MAP3K5: variants seen among roughly 807,000 people sequenced by gnomAD.
MAP3K5 encodes the protein ASK-1.
In MAP3K5, 56 loss-of-function variants were observed where a neutral mutation model predicts 158.7. The ratio of observed to expected loss-of-function variants is 0.35; its 90% confidence interval spans 0.28 to 0.44. The LOEUF (loss-of-function observed/expected upper bound fraction) is 0.44. Among genes scored for constraint, MAP3K5 ranks in the 20% least tolerant of loss-of-function variants. The probability of loss-of-function intolerance (pLI) is 1.00; values close to 1 mark genes in which losing one functional copy is unlikely to be tolerated. For synonymous variants in MAP3K5, 579 were observed against 601.7 expected, an observed-to-expected ratio of 0.96 and a Z score of 0.55; for missense variants, 1,294 against 1,674.8, an observed-to-expected ratio of 0.77 and a Z score of 3.97.
At chr6:136,759,697 T>G (rs1171456289) in intron 1 of MAP3K5, among the ~76,000 whole-genome samples, 1 of 150,460 alleles carries the variant, frequency 6.6e-6, no homozygotes, top group Non-Finnish European at 1.5e-5. Flanking sequence ...CATCCCAAAC[T>G]CCTGGGCTCA....
intron 1 of MAP3K5, among the ~76,000 whole-genome samples, chr6:136,776,235 T>TTTTATTTTTTATTTATTTA (rs1446328511): frequency 3.3e-5 from 5 of 152,164 alleles, no homozygotes; most frequent in Non-Finnish European, 7.4e-5. Context: ...TGGGGTTGTC[T>TTTTATTTTTTATTTATTTA]TTTATTTTTT....
intron 14 of MAP3K5, among the ~76,000 whole-genome samples, chr6:136,626,699 C>A (rs1287726045): frequency 6.6e-6 from 1 of 152,220 alleles, no homozygotes; most frequent in East Asian, 1.9e-4. Context: ...TGCCGATGTG[C>A]CCTCTCAAAG....
intron 7 of MAP3K5, among the ~76,000 whole-genome samples, chr6:136,676,491 C>T (rs1217458689): frequency 9.2e-5 from 14 of 152,084 alleles, no homozygotes; most frequent in Admixed American, 8.5e-4. Context: ...CTGGAGTTCA[C>T]GACTTCAATA....
chr6:136,691,057 G>T (rs1583424455), intron 7 of MAP3K5, among the ~76,000 whole-genome samples: 1 of 152,026 alleles, frequency 6.6e-6, no homozygotes, highest in South Asian at 2.1e-4. Flanking sequence ...TCTTTCCCCT[G>T]ATGTATCTTC....
Position 136,628,153 on chromosome 6 carries a change from C to T in MAP3K5, c.2017-5172G>A, listed in dbSNP as rs561700391. ...TTTAAAGAGTGTTTTGCTCTGTCGC[C>T]TAGGCCGGAGTGCAGTGGTGCCATC... On this transcript the variant is annotated intron_variant, in intron 14 of 29. Coordinates refer to ENST00000359015, the MANE Select transcript of MAP3K5 (RefSeq NM_005923.4). 9.3e-4 allele frequency among the ~76,000 whole-genome samples: 141 copies of T among 151,642 alleles called. 1 individual carries two copies. Among genetic ancestry groups the T allele is most frequent in the East Asian group, 1.9e-4 (1 of 5,158 alleles).
At chr6:136,749,372 CAAA>C (rs568913197) in intron 1 of MAP3K5, among the ~76,000 whole-genome samples, 13 of 87,468 alleles carry the variant, frequency 1.5e-4, no homozygotes, top group Admixed American at 3.8e-4. Context: ...AACTCTGTAT[CAAA>C]AAAAAAAAAA....
At chr6:136,608,531 G>A (rs1776198695) in intron 18 of MAP3K5, among the ~76,000 whole-genome samples, 1 of 152,130 alleles carries the variant, frequency 6.6e-6, no homozygotes, top group South Asian at 2.1e-4. Flanking sequence ...GAAGTGCCCT[G>A]GATAACAATG....
chr6:136,769,811 GGGGAC>G (rs1784120968), intron 1 of MAP3K5, among the ~76,000 whole-genome samples: 1 of 35,708 alleles, frequency 2.8e-5, no homozygotes, highest in Non-Finnish European at 5.9e-5. Flanking sequence ...GAGGGAGGGA[GGGGAC>G]GGGAGGGAGG....
At chr6:136,612,211 G>A (rs1188522861) in intron 17 of MAP3K5, among the ~76,000 whole-genome samples, 1 of 152,058 alleles carries the variant, frequency 6.6e-6, no homozygotes, top group East Asian at 1.9e-4. Flanking sequence ...ATTTTGTTTG[G>A]CCATCTCTAT....
chr6:136,622,191 ACTCAT>A (rs1231287279), intron 15 of MAP3K5, among the ~76,000 whole-genome samples: 3 of 152,046 alleles, frequency 2.0e-5, no homozygotes, highest in Admixed American at 2.0e-4. Flanking sequence ...AAGCTCCAAA[ACTCAT>A]GAAAGTGTGA....
chr6:136,564,438 C>T (rs1773997158), intron 26 of MAP3K5, among the ~76,000 whole-genome samples: 1 of 152,106 alleles, frequency 6.6e-6, no homozygotes, highest in Non-Finnish European at 1.5e-5. Context: ...GAACTGAAAG[C>T]TAGAAGAGGG....
intron 8 of MAP3K5, among the ~76,000 whole-genome samples, chr6:136,662,081 C>T (rs1362583066): frequency 2.6e-5 from 4 of 152,186 alleles, no homozygotes; most frequent in African/African-American, 4.8e-5. Context: ...CATTCTTGTA[C>T]ACACAGCTTT....
In MAP3K5 at chr6:136,694,156, C is replaced by T. The variant is rs1780503480; in HGVS notation, c.1237G>A (p.Asp413Asn). The part of the protein sequence containing the change: ...DSNFTDTESR[D>N]HGASWFKKAF... ...TTTACTTACCAAGAAGCTCCATGGT[C>T]TCTGCTTTCAGTGTCCGTGAAATTA... The change falls in exon 7 of 30, where the codon GAC becomes AAC. Residue 413 changes from aspartate (D) to asparagine (N), a missense_variant. This residue lies in a region of MAP3K5 where 690 missense variants were observed against 870.5 expected (regional missense o/e 0.79). Transcript: ENST00000359015. The T allele has an allele frequency of 6.2e-7, 1 of 1,612,742 alleles. No homozygotes were observed. Among genetic ancestry groups the T allele is most frequent in the Non-Finnish European group, 8.5e-7 (1 of 1,179,602 alleles).
At chr6:136,777,038 T>C (rs1018670203) in intron 1 of MAP3K5, among the ~76,000 whole-genome samples, 1 of 152,358 alleles carries the variant, frequency 6.6e-6, no homozygotes, top group East Asian at 1.9e-4. Flanking sequence ...TCCAATTTTA[T>C]TTCAGATTTA....
chr6:136,658,709 C>G (rs1336892764), intron 9 of MAP3K5, among the ~76,000 whole-genome samples: 1 of 151,872 alleles, frequency 6.6e-6, no homozygotes, highest in East Asian at 1.9e-4. Flanking sequence ...TGGGTGCACT[C>G]CAAGAACAAT....
At chr6:136,583,044 T>A (rs998384613) in intron 24 of MAP3K5, among the ~76,000 whole-genome samples, 2 of 152,254 alleles carry the variant, frequency 1.3e-5, no homozygotes, top group Admixed American at 6.5e-5. Flanking sequence ...GAAAGTATAC[T>A]TCTGGCTAGA....
chr6:136,792,572 CTCCTT>C (rs1258044948), upstream of MAP3K5: 1 of 172,370 alleles, frequency 5.8e-6, no homozygotes, highest in East Asian at 1.9e-4. The surrounding 1 kb of genome is among the most constrained non-coding windows in gnomAD (Gnocchi z 5.7). Flanking sequence ...CGCCGCGCAG[CTCCTT>C]CCGTCCCGGC....
chr6:136,678,597 T>G (rs964366944), intron 7 of MAP3K5, among the ~76,000 whole-genome samples: 1 of 152,148 alleles, frequency 6.6e-6, no homozygotes, highest in Admixed American at 6.6e-5. Context: ...AAATAAATCT[T>G]AGAGAACTAT....
intron 14 of MAP3K5, among the ~76,000 whole-genome samples, chr6:136,626,723 T>C (rs1246128745): frequency 6.6e-6 from 1 of 151,964 alleles, no homozygotes; most frequent in Non-Finnish European, 1.5e-5. Flanking sequence ...TAGAAACCTA[T>C]ACACTCCATC....
Sources: gnomAD v4.1 joint callset for allele counts (sites outside exome capture counted in the v4.1 genomes callset) on GRCh38, gnomAD v4.1.1 for gene constraint, gnomAD v4.1.1 regional missense constraint, Gnocchi (gnomAD v3.1) non-coding constraint, MANE v1.5 for transcripts, NCBI Gene and HGNC (gene_info 2026-07-23, HGNC 2026-07-21) for gene names.